FILIP1: variants seen among roughly 807,000 people sequenced by gnomAD.
The protein encoded by FILIP1 is filamin A interacting protein 1.
Under a neutral mutation model 102.1 loss-of-function variants are expected in FILIP1, and 61 were observed. The ratio of observed to expected loss-of-function variants is 0.60; its 90% CI spans 0.49 to 0.74. The LOEUF (loss-of-function observed/expected upper bound fraction) is 0.74, where lower values mean the gene tolerates loss of function less well. Among genes scored for constraint, FILIP1 ranks in the 30% least tolerant of loss-of-function variants. FILIP1 has a pLI of 0.00. For synonymous variants in FILIP1, 491 were observed against 526.9 expected, an observed-to-expected ratio of 0.93 and a Z score of 0.93; for missense variants, 1,314 against 1,441.2, an observed-to-expected ratio of 0.91 and a Z score of 1.43.
At chr6:75,321,770 C>T (rs539116001) in intron 4 of FILIP1, among the ~76,000 whole-genome samples, 2 of 150,264 alleles carry the variant, frequency 1.3e-5, no homozygotes, top group Admixed American at 6.6e-5. Flanking sequence ...GTCCGCAGTC[C>T]GACCTGGGCG....
At chr6:75,385,903 A>G (rs1453563871) in intron 2 of FILIP1, among the ~76,000 whole-genome samples, 1 of 150,442 alleles carries the variant, frequency 6.6e-6, no homozygotes, top group Non-Finnish European at 1.5e-5. Context: ...AACATTGATT[A>G]TGGCATTGGG....
intron 2 of FILIP1, among the ~76,000 whole-genome samples, chr6:75,392,282 A>C (rs1275996121): frequency 1.3e-5 from 2 of 152,094 alleles, no homozygotes; most frequent in African/African-American, 4.8e-5. Context: ...ATCTATATAC[A>C]TGTGACTTCC....
downstream of FILIP1, among the ~76,000 whole-genome samples, chr6:75,307,020 C>A (rs1773007519): frequency 6.6e-6 from 1 of 152,172 alleles, no homozygotes; most frequent in Non-Finnish European, 1.5e-5. Flanking sequence ...CCAGGCTGGT[C>A]TCGAACTCCT....
At chr6:75,486,855 T>A (rs1459841265) in intron 1 of FILIP1, among the ~76,000 whole-genome samples, 2 of 152,080 alleles carry the variant, frequency 1.3e-5, no homozygotes, top group African/African-American at 4.8e-5. Flanking sequence ...GTACTGCATA[T>A]GTTGTATATT....
intron 1 of FILIP1, among the ~76,000 whole-genome samples, chr6:75,416,162 T>A (rs1777262914): frequency 6.6e-6 from 1 of 152,128 alleles, no homozygotes; most frequent in Non-Finnish European, 1.5e-5. Flanking sequence ...AACCCAACCA[T>A]ACTTAAGAAA....
chr6:75,410,273 G>A (rs1329927212), intron 2 of FILIP1, among the ~76,000 whole-genome samples: 1 of 152,104 alleles, frequency 6.6e-6, no homozygotes, highest in African/African-American at 2.4e-5. Flanking sequence ...TCTAAGCTGA[G>A]AGTAACTTAT....
In FILIP1 at chr6:75,294,688, G is replaced by A. The variant is rs1582297022; in HGVS notation, c.*1222C>T. On this transcript the variant is annotated 3_prime_UTR_variant, in exon 7 of 7. Transcript: ENST00000393004. ...TTCTGGGTTTTGGGGGTTTTTGTGT[G>A]TGTGTGGGTTTGTCTTTGTTTTGAG... The A allele has an allele frequency of 2.6e-5, 4 of 151,826 alleles. No individual in the cohort carries two copies. In the South Asian group the frequency reaches 8.3e-4, roughly 32 times the overall value. 9.4% of individuals were successfully genotyped at this position (151,826 alleles called of 1,614,324 possible).
Position 75,308,839 on chromosome 6 carries a change from C to T in FILIP1, c.3494G>A (p.Gly1165Asp), listed in dbSNP as rs1562428967. The T allele has an allele frequency of 2.5e-6, 4 of 1,614,018 alleles. No homozygotes were observed. Among genetic ancestry groups the T allele is most frequent in the Non-Finnish European group, 3.4e-6 (4 of 1,180,016 alleles). Residue 1165 changes from glycine to aspartate, a missense_variant, in exon 6 of 6, where the codon GGT becomes GAT. This residue lies in a region of FILIP1 where 816 missense variants were observed against 913.1 expected (regional missense o/e 0.89). Coordinates refer to ENST00000237172, the MANE Select transcript of FILIP1 (RefSeq NM_015687.5). ...CACTACTGGCTTTCCTGCTTTCATA[C>T]CTTTTGACATAGGAATGCGGGTGGG... ...PTPTRIPMSKGMKAGKPVVAA... is the reference protein window; with the variant it reads ...PTPTRIPMSKDMKAGKPVVAA...
intron 1 of FILIP1, among the ~76,000 whole-genome samples, chr6:75,445,612 A>G (rs1038616983): frequency 6.6e-6 from 1 of 150,794 alleles, no homozygotes; most frequent in Non-Finnish European, 1.5e-5. Flanking sequence ...CAGGAACCAC[A>G]TTTAATTTTT....
chr6:75,472,314 T>C (rs529982073), intron 1 of FILIP1, among the ~76,000 whole-genome samples: 2 of 152,128 alleles, frequency 1.3e-5, no homozygotes, highest in Admixed American at 1.3e-4. Context: ...AAGTGCTCTT[T>C]AATTTCTAAA....
intron 6 of FILIP1, among the ~76,000 whole-genome samples, chr6:75,300,674 G>A (rs1162279771): frequency 6.6e-6 from 1 of 152,144 alleles, no homozygotes; most frequent in Non-Finnish European, 1.5e-5. Flanking sequence ...ATTTGGACTT[G>A]TATTCCTCTT....
rs996559994 is a variant in FILIP1, at chr6:75,461,747, T to C, written c.-7+31667A>G. On this transcript the variant is annotated intron_variant, in intron 1 of 5. Transcript: ENST00000237172. ...TTAGGTTATTTCCAGATTCACTGCA[T>C]GAAGTTGCCTGGACATACACATTAG... Among the ~76,000 whole-genome samples, 8 of 152,356 alleles carry C rather than the reference T, an allele frequency of 5.3e-5. No individual in the cohort carries two copies. The South Asian group carries it at 1.7e-3, about 32-fold the overall frequency.
intron 2 of FILIP1, among the ~76,000 whole-genome samples, chr6:75,413,388 G>A (rs1390737379): frequency 6.6e-6 from 1 of 152,160 alleles, no homozygotes; most frequent in East Asian, 1.9e-4. Context: ...GCTATTTTTA[G>A]TAACAGTGGC....
chr6:75,346,944 G>A (rs939036495), intron 4 of FILIP1, among the ~76,000 whole-genome samples: 2 of 152,132 alleles, frequency 1.3e-5, no homozygotes, highest in Non-Finnish European at 2.9e-5. Flanking sequence ...CTTGAAAACT[G>A]TCTATTCCCA....
intron 4 of FILIP1, chr6:75,319,083 T>G (rs1773548125): frequency 1.4e-6 from 1 of 732,626 alleles, no homozygotes; most frequent in African/African-American, 1.7e-5. Flanking sequence ...CTTCCTCCTC[T>G]TCATCCTCTT....
intron 1 of FILIP1, among the ~76,000 whole-genome samples, chr6:75,443,235 T>C (rs957681278): frequency 2.0e-5 from 3 of 152,220 alleles, no homozygotes; most frequent in Non-Finnish European, 4.4e-5. Context: ...ATTTATTTAG[T>C]GCTGTTTGTA....
At chr6:75,409,836 C>A (rs1366980106) in intron 2 of FILIP1, among the ~76,000 whole-genome samples, 2 of 152,106 alleles carry the variant, frequency 1.3e-5, no homozygotes, top group Non-Finnish European at 2.9e-5. Flanking sequence ...CTCAACCAGT[C>A]CTATGGCCCC....
intron 2 of FILIP1, among the ~76,000 whole-genome samples, chr6:75,398,563 C>CAT (rs1776543013): frequency 6.6e-6 from 1 of 152,048 alleles, no homozygotes; most frequent in African/African-American, 2.4e-5. Flanking sequence ...AGTATTAGCC[C>CAT]AGTGACTTTC....
At chr6:75,312,166 A>C (rs1220622879) in intron 5 of FILIP1, among the ~76,000 whole-genome samples, 1 of 152,212 alleles carries the variant, frequency 6.6e-6, no homozygotes, top group Non-Finnish European at 1.5e-5. Context: ...CACTCTCCAT[A>C]ATTTACATGA....
Sources: gnomAD v4.1 joint callset for allele counts (sites outside exome capture counted in the v4.1 genomes callset) on GRCh38, gnomAD v4.1.1 for gene constraint, gnomAD v4.1.1 regional missense constraint, MANE v1.5 for transcripts, NCBI Gene and HGNC (gene_info 2026-07-23, HGNC 2026-07-21) for gene names.